TCF4: variants seen among roughly 807,000 people sequenced by gnomAD.
TCF4 encodes transcription factor 4.
A neutral mutation model predicts 82.1 loss-of-function variants in TCF4; 3 were observed. The observed-to-expected ratio is 0.04, with a 90% confidence interval of 0.02 to 0.09. TCF4 has a LOEUF of 0.09. Ranked by LOEUF, TCF4 falls within the 10% of genes least tolerant of loss-of-function variation. The pLI is 1.00. For missense variants in TCF4, 518 were observed against 852.7 expected (o/e 0.61, Z 4.89); for synonymous variants, 276 against 309.6 (o/e 0.89, Z 1.14).
intron 18 of TCF4, 88 bp downstream of exon 18, chr18:55,228,759 G>T: frequency 1.5e-6 from 2 of 1,327,610 alleles, no homozygotes; most frequent in African/African-American, 1.4e-5. Context: ...TCTACTGTCT[G>T]CCACTGCTCA....
intron 3 of TCF4, among the ~76,000 whole-genome samples, chr18:55,578,298 G>A (rs114818450): frequency 1.7e-4 from 26 of 152,040 alleles, no homozygotes; most frequent in African/African-American, 4.8e-4. Flanking sequence ...TGGTACCATC[G>A]AATTGAGTCC....
chr18:55,528,545 A>G (rs939107364), intron 3 of TCF4, among the ~76,000 whole-genome samples: 1 of 152,222 alleles, frequency 6.6e-6, no homozygotes, highest in Non-Finnish European at 1.5e-5. Flanking sequence ...TTCTAACAGT[A>G]TATTTTTGAC....
intron 2 of TCF4, chr18:55,631,189 A>T: frequency 2.1e-6 from 1 of 475,432 alleles, no homozygotes; most frequent in Non-Finnish European, 3.8e-6. Flanking sequence ...AGTTGGGACT[A>T]CAGGCACATG....
intron 2 of TCF4, among the ~76,000 whole-genome samples, chr18:55,601,843 G>A (rs964456727): frequency 6.6e-5 from 10 of 152,096 alleles, no homozygotes; most frequent in Non-Finnish European, 5.9e-5. Context: ...CTCCCAAACC[G>A]GAAAGTGATT....
intron 8 of TCF4, among the ~76,000 whole-genome samples, chr18:55,281,023 A>G (rs1160245519): frequency 6.6e-6 from 1 of 152,046 alleles, no homozygotes; most frequent in Non-Finnish European, 1.5e-5. Flanking sequence ...CAAACCAGAA[A>G]AGCCCACTCG....
At chr18:55,280,169 T>C (rs903582388) in intron 8 of TCF4, among the ~76,000 whole-genome samples, 3 of 152,092 alleles carry the variant, frequency 2.0e-5, no homozygotes, top group Admixed American at 6.6e-5. Context: ...GATAAATATA[T>C]CTTAGAATAT....
chr18:55,271,733 T>C (rs112933758), intron 10 of TCF4, among the ~76,000 whole-genome samples: 70 of 152,192 alleles, frequency 4.6e-4, no homozygotes, highest in African/African-American at 1.5e-3. Context: ...CCCAAGGTAG[T>C]CCATGGAATT....
intron 5 of TCF4, among the ~76,000 whole-genome samples, chr18:55,456,764 T>C (rs903997109): frequency 2.0e-5 from 3 of 152,164 alleles, no homozygotes; most frequent in Non-Finnish European, 4.4e-5. Flanking sequence ...AACTATTCCA[T>C]AGCATATAAA....
rs554108235 is a variant in TCF4, at chr18:55,420,883, A to T, written c.305-17365T>A. Among the ~76,000 whole-genome samples the T allele has an allele frequency of 1.2e-4, 18 of 150,284 alleles. 1 individual carries two copies. In the South Asian group the frequency reaches 3.4e-3, roughly 28 times the overall value. ...GGGGGAAAAAAGAACCAATCACAGC[A>T]GAAAGCGCTTTAAAAGAAAAAAAAA... On this transcript the variant is annotated intron_variant, in intron 5 of 19. Transcript: ENST00000354452.
intron 2 of TCF4, among the ~76,000 whole-genome samples, chr18:55,621,540 T>TA (rs1568500515): frequency 4.3e-3 from 1 of 232 alleles, no homozygotes; most frequent in African/African-American, 0.01. Context: ...AATATATATA[T>TA]TATATTATAT....
chr18:55,518,354 A>C (rs2096902707), intron 3 of TCF4, among the ~76,000 whole-genome samples: 1 of 152,242 alleles, frequency 6.6e-6, no homozygotes, highest in Non-Finnish European at 1.5e-5. Flanking sequence ...AGAAGCTATA[A>C]AAACTGCATA....
chr18:55,595,427 G>C (rs2097689878), intron 2 of TCF4, among the ~76,000 whole-genome samples: 2 of 152,292 alleles, frequency 1.3e-5, no homozygotes, highest in South Asian at 4.1e-4. Context: ...TGAGGAGCAG[G>C]TCTTTGTATC....
chr18:55,416,360 G>A (rs2860511), intron 5 of TCF4, among the ~76,000 whole-genome samples: 50,418 of 151,988 alleles, frequency 0.33, 8,767 homozygotes, highest in East Asian at 0.48. Flanking sequence ...ATTTCAAATA[G>A]GTTAGAATGA....
In TCF4 at chr18:55,350,948, G is replaced by A. The variant is rs1484443997; in HGVS notation, c.425C>T (p.Thr142Ile). ...DMGNPGTLSP[T>I]KPGSQYYQYS... ...CTGATAGTACTGGGAACCAGGTTTG[G>A]TGGGCGAAAGGGTTCCTGGGTTGCC... Residue 142 changes from threonine to isoleucine, a missense_variant, in exon 7 of 20, where the codon ACC (threonine) becomes ATC (isoleucine). Transcript: ENST00000354452. 3 of 1,613,656 alleles carry A rather than the reference G, an allele frequency of 1.9e-6. No homozygotes were observed. The South Asian group carries it at 3.3e-5, about 18-fold the overall frequency.
intron 6 of TCF4, among the ~76,000 whole-genome samples, chr18:55,396,079 C>T (rs913514503): frequency 6.6e-5 from 10 of 152,216 alleles, no homozygotes; most frequent in Non-Finnish European, 1.5e-4. Flanking sequence ...CCCAGATCCC[C>T]CAGTGGGCCT....
intron 8 of TCF4, among the ~76,000 whole-genome samples, chr18:55,341,570 C>T (rs1001450430): frequency 2.0e-5 from 3 of 152,106 alleles, no homozygotes; most frequent in African/African-American, 2.4e-5. Flanking sequence ...GGCTGTCAGA[C>T]GTTATACTTG....
intron 5 of TCF4, among the ~76,000 whole-genome samples, chr18:55,457,610 C>T (rs1310664435): frequency 6.6e-6 from 1 of 152,182 alleles, no homozygotes; most frequent in East Asian, 1.9e-4. Flanking sequence ...CTTGGCCTCC[C>T]AAGTAGTTGG....
rs547886736 is a variant in TCF4, at chr18:55,555,643, GT to G, written c.145+29636del. Among the ~76,000 whole-genome samples the G allele has an allele frequency of 5.3e-5, 8 of 152,222 alleles. No homozygotes were observed. The South Asian group carries it at 1.2e-3, about 24-fold the overall frequency. On this transcript the variant is annotated intron_variant, in intron 3 of 19. Transcript: ENST00000354452. ...TGTGTGCGTTCTCATAAAAACTGTT[GT>G]TATCCAATTCCTACAACTGCCAGAA...
At chr18:55,395,930 T>C (rs2093460984) in intron 6 of TCF4, among the ~76,000 whole-genome samples, 1 of 152,034 alleles carries the variant, frequency 6.6e-6, no homozygotes, top group Admixed American at 6.5e-5. Context: ...TATAATCTTT[T>C]TTTCCCCCCC....
Sources: allele counts gnomAD v4.1 joint callset (sites outside exome capture counted in the v4.1 genomes callset), GRCh38; gene constraint gnomAD v4.1.1; transcripts MANE v1.5; gene names NCBI Gene and HGNC (gene_info 2026-07-23, HGNC 2026-07-21).